INSR: variants seen among roughly 807,000 people sequenced by gnomAD.
INSR encodes IR.
Under a neutral mutation model 142.6 loss-of-function variants are expected in INSR, and 67 were observed. The observed-to-expected ratio is 0.47, with a 90% CI of 0.39 to 0.58. INSR has a LOEUF of 0.58. Ranked by LOEUF, INSR falls within the 20% of genes least tolerant of loss-of-function variation. The pLI is 0.00. For missense variants in INSR, 1,248 were observed against 1,833.2 expected (o/e 0.68, Z 5.83); for synonymous variants, 756 against 743.1 (o/e 1.02, Z -0.28).
At chr19:7,180,395 G>A (rs1034256735) in intron 3 of INSR, among the ~76,000 whole-genome samples, 2 of 151,848 alleles carry the variant, frequency 1.3e-5, no homozygotes, top group African/African-American at 4.8e-5. Context: ...AGGTGTGGTG[G>A]TGTGTGCCTA....
chr19:7,117,476 C>A, intron 21 of INSR, 66 bp from the exon 22 acceptor site: 1 of 1,226,822 alleles, frequency 8.2e-7, no homozygotes. Context: ...CCCAAACCCC[C>A]ACTCTTGTCC....
At position 7,149,932 on chromosome 19, in the gene INSR, AGAAAGAAGGAAGGAAGGAAGGAAG is replaced by A. The variant is rs1189616846; in HGVS notation, c.2267+541_2267+564del. Among the ~76,000 whole-genome samples, 10 of 136,296 alleles carry A rather than the reference AGAAAGAAGGAAGGAAGGAAGGAAG, an allele frequency of 7.3e-5. No individual in the cohort carries two copies. In the East Asian group the frequency reaches 1.8e-3, roughly 25 times the overall value. 89.4% of individuals were successfully genotyped at this position (136,296 alleles called of 152,430 possible). ...AGGAAAGAAAGAAAGAAGGAAAAAA[AGAAAGAAGGAAGGAAGGAAGGAAG>A]GAAGGAAGGAAGGAAGGAAGGAAGG... On this transcript the variant is annotated intron_variant, in intron 11 of 21. Transcript: ENST00000302850.
intron 2 of INSR, among the ~76,000 whole-genome samples, chr19:7,250,445 G>T (rs1366969857): frequency 3.6e-5 from 2 of 55,134 alleles, no homozygotes; most frequent in South Asian, 5.2e-4. Flanking sequence ...AGAAAAGAAA[G>T]AAGAAAGAAA....
intron 2 of INSR, among the ~76,000 whole-genome samples, chr19:7,211,829 A>G (rs1240704076): frequency 1.3e-5 from 2 of 151,082 alleles, no homozygotes; most frequent in East Asian, 3.8e-4. Context: ...CTTCTGCCAA[A>G]TAGAGCTTTG....
rs34453877 is a variant in INSR, at chr19:7,142,389, C to CAAAAAAAAAAAAAAA, written c.2542+412_2542+426dup. ...TGGGCGACAGAGCAAGACTTCATCT[C>CAAAAAAAAAAAAAAA]AAAAAAAAAAAAAAAAAAAAAAAAG... is the stretch of plus-strand genomic sequence containing the variant. On this transcript the variant is annotated intron_variant, in intron 12 of 21. Coordinates refer to ENST00000302850, the MANE Select transcript of INSR (RefSeq NM_000208.4). Among the ~76,000 whole-genome samples, 6 of 42,142 alleles carry CAAAAAAAAAAAAAAA rather than the reference C, an allele frequency of 1.4e-4. 1 individual carries two copies. Among genetic ancestry groups the CAAAAAAAAAAAAAAA allele is most frequent in the East Asian group, 2.0e-3 (2 of 984 alleles). 27.6% of individuals were successfully genotyped at this position (42,142 alleles called of 152,430 possible).
At chr19:7,118,914 CAAAAAAAA>C (rs59739401) in intron 21 of INSR, among the ~76,000 whole-genome samples, 53 of 68,898 alleles carry the variant, frequency 7.7e-4, no homozygotes, top group African/African-American at 1.9e-3. Flanking sequence ...GATTCCGTCT[CAAAAAAAA>C]AAAAAAAAAA....
chr19:7,141,888 G>A (rs1973078272), intron 12 of INSR, 72 bp from the exon 13 acceptor site: 4 of 1,276,568 alleles, frequency 3.1e-6, no homozygotes, highest in African/African-American at 1.5e-5. Flanking sequence ...CCTGTCCATG[G>A]TGCAACCTTG....
chr19:7,245,372 T>C (rs1329371736), intron 2 of INSR, among the ~76,000 whole-genome samples: 1 of 152,138 alleles, frequency 6.6e-6, no homozygotes, highest in African/African-American at 2.4e-5. Context: ...AGGCATGAGC[T>C]TGTAGTCCCA....
rs150965492 is a variant in INSR, at chr19:7,158,228, C to T, written c.2029+4804G>A. ...AAAATGAAGCATAATGGGCCAGGCGCGGTGACTCACGCCTGTAATCCCAGC... is the reference window on the plus strand; with the variant it reads ...AAAATGAAGCATAATGGGCCAGGCGTGGTGACTCACGCCTGTAATCCCAGC... On this transcript the variant is annotated intron_variant, in intron 9 of 21. Coordinates refer to ENST00000302850, the MANE Select transcript of INSR (RefSeq NM_000208.4). Among the ~76,000 whole-genome samples the T allele has an allele frequency of 2.8e-4, 42 of 151,964 alleles. No individual in the cohort carries two copies. In the East Asian group the frequency reaches 5.4e-3, roughly 20 times the overall value.
chr19:7,204,614 C>T (rs139596552), intron 2 of INSR, among the ~76,000 whole-genome samples: 112 of 152,336 alleles, frequency 7.4e-4, no homozygotes, highest in Admixed American at 1.7e-3. Flanking sequence ...CAAGACCCAC[C>T]TTGCAGCTGC....
rs752428170 is a variant in INSR, at chr19:7,216,724, G to T, written c.653-32087C>A. Among the ~76,000 whole-genome samples, 1 of 152,184 alleles carries T rather than the reference G, an allele frequency of 6.6e-6. No homozygotes were observed. Among genetic ancestry groups the T allele is most frequent in the Non-Finnish European group, 1.5e-5 (1 of 68,034 alleles). On this transcript the variant is annotated intron_variant, in intron 2 of 21. Transcript: ENST00000302850. The surrounding 1 kb of genome is among the most constrained non-coding windows in gnomAD (Gnocchi z 4.2). Reference sequence around the variant, plus strand: ...CCCCTGGCTAGAGACCCGCCCAGAGGGGGTTTCCAGGCCCAGGTGCTGGGT... The same window carrying T: ...CCCCTGGCTAGAGACCCGCCCAGAGTGGGTTTCCAGGCCCAGGTGCTGGGT...
In INSR at chr19:7,152,814, T is replaced by C; in HGVS notation, c.2143A>G (p.Thr715Ala). Residue 715 changes from threonine to alanine, a missense_variant, in exon 10 of 22, where the codon ACA becomes GCA. Physicochemically the swap from Thr to Ala is moderately conservative, Grantham distance 58 (BLOSUM62 0). Transcript: ENST00000302850. ...SAGECCSCPK[T>A]DSQILKELEE... ...AGCTCCTTCAGGATCTGAGAGTCTG[T>C]CTTTGGACAGGAGCAGCATTCGCCG... 1 of 1,613,588 alleles carries C rather than the reference T, an allele frequency of 6.2e-7. No individual in the cohort carries two copies. The highest frequency in any genetic ancestry group is 8.5e-7 in the Non-Finnish European group (1 of 1,179,934).
chr19:7,151,899 C>T (rs1206298012), intron 10 of INSR: 1 of 152,088 alleles, frequency 6.6e-6, no homozygotes, highest in Non-Finnish European at 1.5e-5. Flanking sequence ...CTCTTGTGAT[C>T]CTTCTTTCTC....
Position 7,154,190 on chromosome 19 carries a change from T to C in INSR, c.2030-1263A>G, listed in dbSNP as rs560382275. Among the ~76,000 whole-genome samples, 61 of 151,684 alleles carry C rather than the reference T, an allele frequency of 4.0e-4. 1 individual carries two copies. Among genetic ancestry groups the C allele is most frequent in the Middle Eastern group, 3.4e-3 (1 of 294 alleles). On this transcript the variant is annotated intron_variant, in intron 9 of 21. Transcript: ENST00000302850. ...AAATAATAAATAAATAAATAAAATA[T>C]CTGTATCTAGAGTGTCATCTGAGAA...
At chr19:7,148,910 T>C (rs1273850133) in intron 11 of INSR, among the ~76,000 whole-genome samples, 2 of 150,196 alleles carry the variant, frequency 1.3e-5, no homozygotes, top group Non-Finnish European at 3.0e-5. Flanking sequence ...TTCTCCTGCC[T>C]CAGCCTCCCG....
At chr19:7,158,486 G>T (rs10414441) in intron 9 of INSR, among the ~76,000 whole-genome samples, 23,805 of 152,088 alleles carry the variant, frequency 0.16, 5,091 homozygotes, top group African/African-American at 0.48. Flanking sequence ...GGGTGACAGA[G>T]CGAGACTCCG....
rs1375693603 is a variant in INSR at position 7,112,708 on chromosome 19, T to C, written c.*4348A>G. 2 of 152,120 alleles carry C rather than the reference T, an allele frequency of 1.3e-5. No homozygotes were observed. Among genetic ancestry groups the C allele is most frequent in the African/African-American group, 4.8e-5 (2 of 41,424 alleles). 9.4% of individuals were successfully genotyped at this position (152,120 alleles called of 1,614,324 possible). A position where few individuals can be genotyped will look rare whatever the true frequency, so the allele number is the denominator to read the frequency against. ...AGATAGAAATTTGGCTGGTGGCTGG[T>C]TCTGGACCTTGACTAGTATCAGAAG... On this transcript the variant is annotated 3_prime_UTR_variant, in exon 22 of 22. Transcript: ENST00000302850.
intron 11 of INSR, among the ~76,000 whole-genome samples, chr19:7,149,433 C>A (rs186292855): frequency 1.3e-5 from 2 of 152,310 alleles, no homozygotes; most frequent in Non-Finnish European, 2.9e-5. Flanking sequence ...AAAGCCACGA[C>A]AGGTAAACAT....
rs369706721 is a variant in INSR, at chr19:7,122,852, C to T, written c.3369+27G>A. 2.1e-5 allele frequency: 34 copies of T among 1,610,408 alleles called. No individual in the cohort carries two copies. The African/African-American group carries it at 4.4e-4, about 21-fold the overall frequency. ...CAGGAGCGGGTGCTCCACCGAGTACCCCGCTGGGTCCCCCGAAGCAGCTTA... is the reference window on the plus strand; with the variant it reads ...CAGGAGCGGGTGCTCCACCGAGTACTCCGCTGGGTCCCCCGAAGCAGCTTA... On this transcript the variant is annotated intron_variant, in intron 18 of 21. Transcript: ENST00000302850.
Sources: gnomAD v4.1 joint callset for allele counts (sites outside exome capture counted in the v4.1 genomes callset) on GRCh38, gnomAD v4.1.1 for gene constraint, Gnocchi (gnomAD v3.1) non-coding constraint, MANE v1.5 for transcripts, NCBI Gene and HGNC (gene_info 2026-07-23, HGNC 2026-07-21) for gene names.